The following TMEM41B variants were observed in gnomAD, a reference collection of about 807,000 sequenced individuals.
TMEM41B encodes transmembrane protein 41B.
In TMEM41B, 18 loss-of-function variants were observed where a neutral mutation model predicts 31.9. The observed-to-expected ratio is 0.56, with a 90% CI of 0.39 to 0.84. The LOEUF is 0.84. TMEM41B is among the 40% of genes least tolerant of loss of function. The probability of loss-of-function intolerance (pLI) is 0.00; values close to 1 mark genes in which losing one functional copy is unlikely to be tolerated. For missense variants in TMEM41B, 322 were observed against 348.0 expected (o/e 0.93, Z 0.59); for synonymous variants, 144 against 124.3 (o/e 1.16, Z -1.05).
chr11:9,284,688 AG>A (rs1330361782), intron 6 of TMEM41B, among the ~76,000 whole-genome samples: 1 of 151,914 alleles, frequency 6.6e-6, no homozygotes, highest in Non-Finnish European at 1.5e-5. Flanking sequence ...ACTTGAACCC[AG>A]GAGGCGGAGG....
chr11:9,305,558 C>T (rs952778178), intron 1 of TMEM41B, among the ~76,000 whole-genome samples: 5 of 152,098 alleles, frequency 3.3e-5, no homozygotes, highest in Non-Finnish European at 7.3e-5. Context: ...CAAAGTTGCG[C>T]CATTGCACTC....
chr11:9,283,629 C>T (rs752564986), intron 6 of TMEM41B, 36 bp from the exon 7 acceptor site: 3 of 1,546,304 alleles, frequency 1.9e-6, no homozygotes, highest in Non-Finnish European at 2.6e-6. Context: ...GTAAAAACCA[C>T]CGCAATTGTT....
chr11:9,281,597 C>A lies in TMEM41B; in HGVS notation c.*1827G>T, dbSNP rs1470713187. ...ATAACAGTCATGGGTGAAGGTAAAA[C>A]TGACAGAGTACTTTAGATCAGCTAT... On this transcript the variant is annotated 3_prime_UTR_variant, in exon 7 of 7. Coordinates refer to ENST00000528080, the MANE Select transcript of TMEM41B (RefSeq NM_015012.4). 6.6e-6 allele frequency: 1 copy of A among 152,174 alleles called. No homozygotes were observed. The highest frequency in any genetic ancestry group is 1.5e-5 in the Non-Finnish European group (1 of 68,044). The allele number at this position is 152,174 out of a possible 1,614,324, so 9.4% of individuals were successfully genotyped here.
rs1268581377 is a variant in TMEM41B at position 9,302,767 on chromosome 11, G to A, written c.122-3066C>T. 2.0e-5 allele frequency among the ~76,000 whole-genome samples: 2 copies of A among 99,992 alleles called. 1 individual carries two copies. The highest frequency in any genetic ancestry group is 7.8e-5 in the African/African-American group (2 of 25,780). 65.6% of individuals were successfully genotyped at this position (99,992 alleles called of 152,430 possible). On this transcript the variant is annotated intron_variant, in intron 1 of 6. Coordinates refer to ENST00000528080, the MANE Select transcript of TMEM41B (RefSeq NM_015012.4). ...TTTTAATGATACTCGTGATCTTCAT[G>A]CACATTAAAGTTTGAAAAGCTAAAA...
At chr11:9,295,192 G>A (rs1590377975) in intron 3 of TMEM41B, 67 bp downstream of exon 3, 3 of 1,349,702 alleles carry the variant, frequency 2.2e-6, no homozygotes, top group East Asian at 2.7e-5. Context: ...ATGTATAAAT[G>A]AAGAGCAGAC....
intron 2 of TMEM41B, among the ~76,000 whole-genome samples, chr11:9,296,603 C>CAAAAAAAA (rs1164835040): frequency 3.0e-4 from 36 of 118,766 alleles, no homozygotes; most frequent in Middle Eastern, 4.0e-3. Flanking sequence ...GACTCCGTCT[C>CAAAAAAAA]AAAAAAAAAA....
intron 1 of TMEM41B, among the ~76,000 whole-genome samples, chr11:9,300,264 T>A (rs943613422): frequency 6.6e-6 from 1 of 152,170 alleles, no homozygotes; most frequent in Non-Finnish European, 1.5e-5. Flanking sequence ...GGTTTATTGA[T>A]AAGCCAAAGG....
chr11:9,290,697 C>CA (rs1271239936), intron 3 of TMEM41B, among the ~76,000 whole-genome samples: 2 of 152,054 alleles, frequency 1.3e-5, no homozygotes, highest in Non-Finnish European at 2.9e-5. Context: ...TTGTTTAACG[C>CA]AACTGTATTT....
intron 1 of TMEM41B, 99 bp from the exon 2 acceptor site, chr11:9,299,800 T>C: frequency 1.1e-6 from 1 of 907,862 alleles, no homozygotes; most frequent in Admixed American, 2.2e-5. Context: ...TGGCGTGTGC[T>C]TTTGCCTAAA....
At chr11:9,284,755 T>G (rs1375950884) in intron 6 of TMEM41B, among the ~76,000 whole-genome samples, 1 of 121,994 alleles carries the variant, frequency 8.2e-6, no homozygotes, top group East Asian at 2.5e-4. Context: ...AGAGAGAGAA[T>G]CTGTCTCAAA....
At chr11:9,286,333 GC>G in intron 6 of TMEM41B, 121 bp downstream of exon 6, 1 of 1,007,886 alleles carries the variant, frequency 9.9e-7, no homozygotes, top group South Asian at 2.0e-5. Flanking sequence ...CAGGCTTTGT[GC>G]CCAAGAATTC....
At chr11:9,301,521 A>G (rs1198004133) in intron 1 of TMEM41B, among the ~76,000 whole-genome samples, 1 of 152,150 alleles carries the variant, frequency 6.6e-6, no homozygotes, top group Non-Finnish European at 1.5e-5. Flanking sequence ...CTTCTTCATA[A>G]AAGTTTACAA....
intron 3 of TMEM41B, 43 bp from the exon 4 acceptor site, chr11:9,288,578 A>C: frequency 7.4e-7 from 1 of 1,345,856 alleles, no homozygotes; most frequent in Non-Finnish European, 1.0e-6. Context: ...ATTAAGTAGA[A>C]TTTTAAAAGA....
chr11:9,298,625 C>T (rs958311600), intron 2 of TMEM41B, among the ~76,000 whole-genome samples: 1 of 151,792 alleles, frequency 6.6e-6, no homozygotes, highest in African/African-American at 2.4e-5. Flanking sequence ...AATTAGCCAG[C>T]CGTGGTGGCA....
chr11:9,300,195 T>TG (rs1853213855), intron 1 of TMEM41B, among the ~76,000 whole-genome samples: 1 of 152,144 alleles, frequency 6.6e-6, no homozygotes, highest in Non-Finnish European at 1.5e-5. Context: ...TATATTACTT[T>TG]GGGGGGATAT....
At chr11:9,283,909 C>T (rs556451955) in intron 6 of TMEM41B, among the ~76,000 whole-genome samples, 4 of 152,070 alleles carry the variant, frequency 2.6e-5, no homozygotes, top group South Asian at 2.1e-4. Context: ...CTCAGCCTCC[C>T]GAGTAGCTGG....
At position 9,282,065 on chromosome 11, in the gene TMEM41B, C is replaced by A. The variant is rs559873968; in HGVS notation, c.*1359G>T. On this transcript the variant is annotated 3_prime_UTR_variant, in exon 7 of 7. Coordinates refer to ENST00000528080, the MANE Select transcript of TMEM41B (RefSeq NM_015012.4). The stretch of plus-strand genomic sequence containing the variant: ...CTTGTGGGATATTAAAGAGCCATAA[C>A]AAATTATCTGAATATAAATTATCAA... 3 of 152,212 alleles carry A rather than the reference C, an allele frequency of 2.0e-5. No individual in the cohort carries two copies. The South Asian group carries it at 6.2e-4, about 32-fold the overall frequency. 9.4% of individuals were successfully genotyped at this position (152,212 alleles called of 1,614,324 possible).
Position 9,314,387 on chromosome 11 carries a change from G to A in TMEM41B, c.55C>T (p.Pro19Ser). 6.4e-7 allele frequency: 1 copy of A among 1,574,736 alleles called. No homozygotes were observed. The highest frequency in any genetic ancestry group is 8.6e-7 in the Non-Finnish European group (1 of 1,160,598). The change falls in exon 1 of 7, where the codon CCC becomes TCC. Residue 19 changes from proline (P) to serine (S), a missense_variant. This residue lies in a region of TMEM41B where 183 missense variants were observed against 175.3 expected (regional missense o/e 1.04). Coordinates refer to ENST00000528080, the MANE Select transcript of TMEM41B (RefSeq NM_015012.4). ...GTCCCCGCTGCCCCGTCCCCCACGG[G>A]GGTCGTGTGGTGAGCGCCCAACTGC... ...RSQLGAHHTT[P>S]VGDGAAGTRG...
At chr11:9,286,046 C>T (rs960096222) in intron 6 of TMEM41B, among the ~76,000 whole-genome samples, 3 of 152,030 alleles carry the variant, frequency 2.0e-5, no homozygotes, top group East Asian at 3.9e-4. Context: ...ACCCGGGAGG[C>T]GGAGATTGCA....
Sources: allele counts gnomAD v4.1 joint callset (sites outside exome capture counted in the v4.1 genomes callset), GRCh38; gene constraint gnomAD v4.1.1; regional missense constraint gnomAD v4.1.1; transcripts MANE v1.5; gene names NCBI Gene and HGNC (gene_info 2026-07-23, HGNC 2026-07-21).